The following NPAS3 variants were observed in gnomAD, a reference collection of about 807,000 sequenced individuals.
The protein encoded by NPAS3 is neuronal PAS domain protein 3, also known as neuronal PAS domain-containing protein 3.
A neutral mutation model predicts 73.1 loss-of-function variants in NPAS3; 14 were observed. The observed-to-expected ratio is 0.19, with a 90% CI of 0.13 to 0.30. NPAS3 has a LOEUF of 0.30. NPAS3 is among the 10% of genes least tolerant of loss of function. The probability of loss-of-function intolerance (pLI) is 1.00; values close to 1 mark genes in which losing one functional copy is unlikely to be tolerated. For synonymous variants in NPAS3, 620 were observed against 541.5 expected, an observed-to-expected ratio of 1.14 and a Z score of -2.01; for missense variants, 1,096 against 1,250.0, an observed-to-expected ratio of 0.88 and a Z score of 1.86.
At chr14:32,994,611 G>GTTT (rs1197652527) in intron 1 of NPAS3, among the ~76,000 whole-genome samples, 3 of 129,714 alleles carry the variant, frequency 2.3e-5, no homozygotes, top group Non-Finnish European at 4.8e-5. Context: ...CGCCATTCTA[G>GTTT]TTTTTTGTTT....
intron 6 of NPAS3, among the ~76,000 whole-genome samples, chr14:33,691,513 G>A (rs2060235459): frequency 3.3e-5 from 5 of 152,138 alleles, no homozygotes. Flanking sequence ...GCTCATACAT[G>A]AGTAATGATC....
intron 5 of NPAS3, among the ~76,000 whole-genome samples, chr14:33,617,693 G>T (rs1353700546): frequency 6.6e-6 from 1 of 152,160 alleles, no homozygotes; most frequent in Non-Finnish European, 1.5e-5. Flanking sequence ...AAGCTGTTAC[G>T]CTGATCTGAA....
At chr14:33,374,338 A>G (rs1284351447) in intron 4 of NPAS3, among the ~76,000 whole-genome samples, 1 of 152,142 alleles carries the variant, frequency 6.6e-6, no homozygotes, top group Non-Finnish European at 1.5e-5. Flanking sequence ...TTGCTTTTAA[A>G]TTTCTACGTT....
upstream of NPAS3, among the ~76,000 whole-genome samples, chr14:32,936,047 T>C (rs1256943466): frequency 2.0e-5 from 3 of 152,252 alleles, no homozygotes; most frequent in South Asian, 2.1e-4. Context: ...ATATACACAA[T>C]GCATAATTCA....
chr14:33,127,810 C>G (rs188469400), intron 2 of NPAS3, among the ~76,000 whole-genome samples: 131 of 152,266 alleles, frequency 8.6e-4, no homozygotes, highest in Non-Finnish European at 1.4e-3. Context: ...TGAATAAACA[C>G]TCTTCTGAAT....
intron 6 of NPAS3, among the ~76,000 whole-genome samples, chr14:33,726,594 C>T (rs1226984231): frequency 1.3e-5 from 2 of 152,142 alleles, no homozygotes; most frequent in African/African-American, 4.8e-5. Context: ...TCCCATCACT[C>T]TCTAGTCTCT....
chr14:33,560,964 G>A (rs768570048), intron 5 of NPAS3, among the ~76,000 whole-genome samples: 1 of 152,156 alleles, frequency 6.6e-6, no homozygotes, highest in Non-Finnish European at 1.5e-5. Flanking sequence ...TTATCCAGAT[G>A]TTTTCTCCAT....
chr14:33,054,518 T>A (rs778191300), intron 1 of NPAS3, among the ~76,000 whole-genome samples: 9 of 152,262 alleles, frequency 5.9e-5, no homozygotes, highest in Non-Finnish European at 1.2e-4. Flanking sequence ...GAACTTAAAT[T>A]ATTTGAAAGT....
chr14:33,039,852 G>A (rs2040293977), intron 1 of NPAS3, among the ~76,000 whole-genome samples: 1 of 152,088 alleles, frequency 6.6e-6, no homozygotes, highest in Non-Finnish European at 1.5e-5. Context: ...AAATTAATCT[G>A]GCTAACTTTA....
chr14:32,988,482 T>C (rs933478809), intron 1 of NPAS3, among the ~76,000 whole-genome samples: 3 of 152,234 alleles, frequency 2.0e-5, no homozygotes, highest in African/African-American at 7.2e-5. Flanking sequence ...GATTAAAATG[T>C]AATAATGAAT....
At chr14:33,771,872 C>T (rs569083470) in intron 7 of NPAS3, among the ~76,000 whole-genome samples, 1 of 152,168 alleles carries the variant, frequency 6.6e-6, no homozygotes, top group African/African-American at 2.4e-5. Context: ...TGAATATGCA[C>T]ACAGGTATAA....
chr14:33,256,149 A>G (rs567750084), intron 3 of NPAS3, among the ~76,000 whole-genome samples: 1 of 152,310 alleles, frequency 6.6e-6, no homozygotes, highest in African/African-American at 2.4e-5. Flanking sequence ...AAGCCTGACC[A>G]CCAAAGTTGT....
At chr14:33,335,815 T>A (rs757473622) in intron 3 of NPAS3, among the ~76,000 whole-genome samples, 13 of 152,324 alleles carry the variant, frequency 8.5e-5, no homozygotes, top group Non-Finnish European at 1.6e-4. Flanking sequence ...TGAATGGATG[T>A]ACCATGTTTT....
At chr14:33,657,738 T>A (rs1418905745) in intron 5 of NPAS3, among the ~76,000 whole-genome samples, 3 of 152,178 alleles carry the variant, frequency 2.0e-5, no homozygotes, top group Non-Finnish European at 4.4e-5. Context: ...CATGGATTTA[T>A]TTTTCACATA....
At chr14:33,471,278 G>A (rs2050769345) in intron 4 of NPAS3, among the ~76,000 whole-genome samples, 1 of 152,194 alleles carries the variant, frequency 6.6e-6, no homozygotes, top group African/African-American at 2.4e-5. Context: ...AGAAGCTGGG[G>A]CAGTAATCTC....
At position 33,680,464 on chromosome 14, in the gene NPAS3, C is replaced by G. The variant is rs966261412; in HGVS notation, c.733+4079C>G. On this transcript the variant is annotated intron_variant, in intron 6 of 11. Transcript: ENST00000356141. The stretch of plus-strand genomic sequence containing the variant: ...CCTAGATTTAGTTTCTGTTCCTGTT[C>G]CTGTGTATGTAGGTATGTATGTGTT... 10 of 621,350 alleles carry G rather than the reference C, an allele frequency of 1.6e-5. No homozygotes were observed. The African/African-American group carries it at 1.8e-4, about 11-fold the overall frequency. The allele number at this position is 621,350 out of a possible 1,614,324, so 38.5% of individuals were successfully genotyped here.
chr14:33,358,728 G>A (rs1191777780), intron 3 of NPAS3, among the ~76,000 whole-genome samples: 1 of 152,166 alleles, frequency 6.6e-6, no homozygotes, highest in Admixed American at 6.5e-5. Context: ...TATATTCCCT[G>A]ACACAGTGTC....
chr14:33,345,623 T>A (rs1369328624), intron 3 of NPAS3, among the ~76,000 whole-genome samples: 1 of 152,174 alleles, frequency 6.6e-6, no homozygotes, highest in Non-Finnish European at 1.5e-5. Context: ...TAACTTCCTT[T>A]TCTTGTGTTC....
chr14:33,381,504 C>A (rs976160119), intron 4 of NPAS3, among the ~76,000 whole-genome samples: 8 of 152,072 alleles, frequency 5.3e-5, no homozygotes, highest in African/African-American at 1.9e-4. Context: ...TATCATTTAA[C>A]CTGGCTTTAC....
Sources: allele counts gnomAD v4.1 joint callset (sites outside exome capture counted in the v4.1 genomes callset), GRCh38; gene constraint gnomAD v4.1.1; transcripts MANE v1.5; gene names NCBI Gene and HGNC (gene_info 2026-07-23, HGNC 2026-07-21).